Variants in RARB observed in about 807,000 individuals in gnomAD.
The protein encoded by RARB is retinoic acid receptor beta, also known as HBV-activated protein.
RARB carries 17 observed loss-of-function variants against 51.9 expected under a neutral mutation model. That is an observed-to-expected ratio of 0.33 (90% CI 0.22 to 0.49). RARB has a LOEUF of 0.49. Ranked by LOEUF, RARB falls within the 20% of genes least tolerant of loss-of-function variation. RARB has a pLI of 0.99. For missense variants in RARB, 369 were observed against 550.8 expected (o/e 0.67, Z 3.30); for synonymous variants, 215 against 195.4 (o/e 1.10, Z -0.84).
Position 25,287,581 on chromosome 3 carries a change from C to T in RARB, c.178+113006C>T, listed in dbSNP as rs1176327764. On this transcript the variant is annotated intron_variant, in intron 5 of 11. Coordinates refer to the RARB transcript ENST00000383772. ...CGGCCTCCTTTAGTATTGGGCCAAG[C>T]AGGCTTCTCCAGCTTCAAGAGTCAC... Among the ~76,000 whole-genome samples the T allele has an allele frequency of 2.0e-5, 3 of 152,296 alleles. No homozygotes were observed. The South Asian group carries it at 6.2e-4, about 32-fold the overall frequency.
intron 2 of RARB, among the ~76,000 whole-genome samples, chr3:24,943,500 G>T (rs1695713213): frequency 6.6e-6 from 1 of 152,142 alleles, no homozygotes; most frequent in Non-Finnish European, 1.5e-5. Flanking sequence ...ATATAAATGA[G>T]ACTTGGTAGA....
rs1032782614 is a variant in RARB at position 25,597,578 on chromosome 3, T to G, written c.*962T>G. On this transcript the variant is annotated 3_prime_UTR_variant, in exon 8 of 8. Transcript: ENST00000330688. The stretch of plus-strand genomic sequence containing the variant: ...TAACTCTAGTGTCCTTCCTGATTCA[T>G]GCCTGATATTGGGATTTTTTTTTCC... 1 of 152,196 alleles carries G rather than the reference T, an allele frequency of 6.6e-6. No homozygotes were observed. Among genetic ancestry groups the G allele is most frequent in the Non-Finnish European group, 1.5e-5 (1 of 68,046 alleles). 9.4% of individuals were successfully genotyped at this position (152,196 alleles called of 1,614,324 possible).
intron 5 of RARB, among the ~76,000 whole-genome samples, chr3:25,248,075 G>C (rs562787981): frequency 1.3e-5 from 2 of 152,158 alleles, no homozygotes; most frequent in Admixed American, 1.3e-4. Flanking sequence ...TGAATATATG[G>C]TTCAGGATTT....
Position 25,569,757 on chromosome 3 carries a change from G to C in RARB, c.449-1G>C. 1 of 1,613,096 alleles carries C rather than the reference G, an allele frequency of 6.2e-7. No individual in the cohort carries two copies. Among genetic ancestry groups the C allele is most frequent in the Non-Finnish European group, 8.5e-7 (1 of 1,179,588 alleles). On this transcript the variant is annotated splice_acceptor_variant, in intron 3 of 7. Coordinates refer to ENST00000330688, the MANE Select transcript of RARB (RefSeq NM_000965.5). LOFTEE classifies it high-confidence loss of function. ...TGATGTGCCTTCTCTCTCGTTTCCA[G>C]CTGTCAGGAATGACAGGAACAAGAA...
chr3:25,354,794 A>G (rs1040448758), intron 5 of RARB, among the ~76,000 whole-genome samples: 3 of 4,088 alleles, frequency 7.3e-4, no homozygotes, highest in African/African-American at 1.2e-3. Flanking sequence ...CTGCTATTCA[A>G]TTGTTGAAGG....
intron 2 of RARB, among the ~76,000 whole-genome samples, chr3:25,495,917 G>T (rs1400839665): frequency 1.3e-5 from 2 of 152,196 alleles, no homozygotes. Flanking sequence ...TGATTAGCCA[G>T]CAGAAGCTAT....
At chr3:24,940,104 T>G (rs1575081879) in intron 2 of RARB, among the ~76,000 whole-genome samples, 1 of 152,328 alleles carries the variant, frequency 6.6e-6, no homozygotes, top group East Asian at 1.9e-4. Context: ...TTTATTTCAG[T>G]AGAAAAGAAA....
chr3:25,207,646 C>T (rs1701583381), intron 5 of RARB, among the ~76,000 whole-genome samples: 1 of 152,316 alleles, frequency 6.6e-6, no homozygotes, highest in East Asian at 1.9e-4. Flanking sequence ...TAATTTCTCT[C>T]TCCCTGCGGG....
At chr3:24,920,910 T>C (rs1695203803) in intron 2 of RARB, among the ~76,000 whole-genome samples, 1 of 152,206 alleles carries the variant, frequency 6.6e-6, no homozygotes, top group South Asian at 2.1e-4. Flanking sequence ...AGTGTCAAGT[T>C]GAAGTCCTTT....
At chr3:24,919,516 C>T (rs1340451214) in intron 2 of RARB, among the ~76,000 whole-genome samples, 1 of 152,024 alleles carries the variant, frequency 6.6e-6, no homozygotes, top group Non-Finnish European at 1.5e-5. Flanking sequence ...ACCTCACTTC[C>T]ATTTACTGTA....
intron 5 of RARB, among the ~76,000 whole-genome samples, chr3:25,195,039 A>G (rs543048158): frequency 1.3e-5 from 2 of 152,036 alleles, no homozygotes; most frequent in Non-Finnish European, 2.9e-5. Context: ...TTTAACAAAA[A>G]AGTTTCAAAT....
At chr3:25,583,769 G>A (rs1304140832) in intron 5 of RARB, among the ~76,000 whole-genome samples, 5 of 152,236 alleles carry the variant, frequency 3.3e-5, no homozygotes, top group African/African-American at 4.8e-5. Flanking sequence ...AGAAGATTCT[G>A]AGGCCACACT....
chr3:25,003,207 A>C (rs1224971233), intron 2 of RARB, among the ~76,000 whole-genome samples: 4 of 151,932 alleles, frequency 2.6e-5, no homozygotes, highest in Admixed American at 6.6e-5. Context: ...AAAAAAAAAA[A>C]AACTGCTTTT....
intron 3 of RARB, among the ~76,000 whole-genome samples, chr3:25,119,395 T>C (rs887855027): frequency 1.3e-5 from 2 of 152,156 alleles, no homozygotes; most frequent in Admixed American, 6.6e-5. Flanking sequence ...TTTTGTCAAC[T>C]GTAAGATGAA....
chr3:24,922,954 C>T (rs1695249214), intron 2 of RARB, among the ~76,000 whole-genome samples: 1 of 152,138 alleles, frequency 6.6e-6, no homozygotes, highest in Admixed American at 6.6e-5. Context: ...AATTACGAAT[C>T]AAAAAGTTTA....
chr3:24,914,274 C>A (rs1253602364), intron 2 of RARB, among the ~76,000 whole-genome samples: 2 of 152,136 alleles, frequency 1.3e-5, no homozygotes, highest in Non-Finnish European at 2.9e-5. Flanking sequence ...CCATGTCGTA[C>A]CTGTGGCATC....
At chr3:24,923,371 T>C (rs1695257467) in intron 2 of RARB, among the ~76,000 whole-genome samples, 1 of 152,202 alleles carries the variant, frequency 6.6e-6, no homozygotes, top group African/African-American at 2.4e-5. Flanking sequence ...ATAATAACAT[T>C]AATCATGCTA....
chr3:25,372,633 G>A (rs1346660142), intron 5 of RARB, among the ~76,000 whole-genome samples: 1 of 152,120 alleles, frequency 6.6e-6, no homozygotes, highest in Non-Finnish European at 1.5e-5. Flanking sequence ...ACCAGCCTAG[G>A]CAAACATAAT....
intron 5 of RARB, among the ~76,000 whole-genome samples, chr3:25,353,583 G>T (rs1705641673): frequency 1.9e-5 from 1 of 52,742 alleles, no homozygotes; most frequent in East Asian, 2.4e-3. Context: ...CTGCTGCTGA[G>T]ATTTTTTTTT....
Sources: gnomAD v4.1 joint callset for allele counts (sites outside exome capture counted in the v4.1 genomes callset) on GRCh38, gnomAD v4.1.1 for gene constraint, MANE v1.5 for transcripts, NCBI Gene and HGNC (gene_info 2026-07-23, HGNC 2026-07-21) for gene names.